The following PTPRD variants were observed in gnomAD, a reference collection of about 807,000 sequenced individuals.
The protein encoded by PTPRD is protein tyrosine phosphatase receptor type D, also known as receptor-type tyrosine-protein phosphatase delta.
Under a neutral mutation model 214.5 loss-of-function variants are expected in PTPRD, and 34 were observed. The observed-to-expected ratio is 0.16, with a 90% CI of 0.12 to 0.21. The LOEUF (loss-of-function observed/expected upper bound fraction) is 0.21. Ranked by LOEUF, PTPRD falls within the 10% of genes least tolerant of loss-of-function variation. The pLI, the probability that PTPRD is intolerant of heterozygous loss-of-function variation, is 1.00. For missense variants in PTPRD, 2,545 were observed against 2,398.7 expected (o/e 1.06, Z -1.27); for synonymous variants, 1,128 against 845.7 (o/e 1.33, Z -5.79).
chr9:10,232,115 C>A (rs985904093), intron 3 of PTPRD, among the ~76,000 whole-genome samples: 7 of 151,156 alleles, frequency 4.6e-5, no homozygotes, highest in Middle Eastern at 3.2e-3. Context: ...GACCTTCTAT[C>A]ATATTTTGCC....
intron 11 of PTPRD, among the ~76,000 whole-genome samples, chr9:8,992,870 T>C (rs1394851966): frequency 6.6e-6 from 1 of 152,130 alleles, no homozygotes; most frequent in African/African-American, 2.4e-5. Context: ...TCATCAAGCT[T>C]GGAGGTAATA....
intron 5 of PTPRD, among the ~76,000 whole-genome samples, chr9:9,851,206 G>A (rs1396288357): frequency 6.6e-6 from 1 of 152,176 alleles, no homozygotes; most frequent in African/African-American, 2.4e-5. Flanking sequence ...ATAAGCAAAA[G>A]TAGAATTAGT....
intron 8 of PTPRD, among the ~76,000 whole-genome samples, chr9:9,472,476 T>C (rs1352739389): frequency 6.6e-6 from 1 of 152,004 alleles, no homozygotes; most frequent in East Asian, 1.9e-4. Context: ...GTGCTGGGAT[T>C]ACAGGCGTGA....
At chr9:10,085,986 G>A (rs1455425793) in intron 3 of PTPRD, among the ~76,000 whole-genome samples, 2 of 151,810 alleles carry the variant, frequency 1.3e-5, no homozygotes, top group African/African-American at 4.8e-5. Context: ...AGTATATTAA[G>A]CAACCAGTGG....
In PTPRD at chr9:9,605,357, CT is replaced by C. The variant is rs938603868; in HGVS notation, c.-286-30577del. Reference sequence around the variant, plus strand: ...ATGTGCAGTCCCTGACCTATAGTGTCTATGTCATTGGAAGCTATGAACTCCT... The same window carrying C: ...ATGTGCAGTCCCTGACCTATAGTGTCATGTCATTGGAAGCTATGAACTCCT... On this transcript the variant is annotated intron_variant, in intron 7 of 45. Transcript: ENST00000381196. Among the ~76,000 whole-genome samples the C allele has an allele frequency of 7.2e-5, 11 of 152,120 alleles. 1 individual carries two copies. The highest frequency in any genetic ancestry group is 1.7e-4 in the African/African-American group (7 of 41,546).
chr9:9,900,819 T>G (rs2076233349), intron 5 of PTPRD, among the ~76,000 whole-genome samples: 1 of 152,002 alleles, frequency 6.6e-6, no homozygotes, highest in African/African-American at 2.4e-5. Context: ...GTATTTTTAG[T>G]AAAGATGAGG....
At chr9:9,957,181 C>T (rs1480518507) in intron 4 of PTPRD, among the ~76,000 whole-genome samples, 1 of 152,076 alleles carries the variant, frequency 6.6e-6, no homozygotes, top group African/African-American at 2.4e-5. Flanking sequence ...TAAACAGACA[C>T]AAAAAGTGAT....
intron 14 of PTPRD, among the ~76,000 whole-genome samples, chr9:8,579,546 T>C (rs1454454181): frequency 2.0e-5 from 3 of 152,112 alleles, no homozygotes; most frequent in Admixed American, 6.6e-5. Flanking sequence ...GCAATAAAAG[T>C]ATAAAAAACC....
intron 10 of PTPRD, among the ~76,000 whole-genome samples, chr9:9,105,055 A>T (rs1368143127): frequency 6.6e-6 from 1 of 152,226 alleles, no homozygotes; most frequent in Non-Finnish European, 1.5e-5. Context: ...CTCAGATAAT[A>T]CATATCCTAT....
chr9:9,502,647 C>A (rs2096456667), intron 8 of PTPRD, among the ~76,000 whole-genome samples: 1 of 151,760 alleles, frequency 6.6e-6, no homozygotes, highest in Non-Finnish European at 1.5e-5. Context: ...TTGTTTATAG[C>A]AGCTTTATTC....
chr9:9,678,672 G>T (rs1191256875), intron 7 of PTPRD, among the ~76,000 whole-genome samples: 1 of 151,478 alleles, frequency 6.6e-6, no homozygotes, highest in Admixed American at 6.6e-5. Context: ...AAAGTAAAAA[G>T]ACCTTATAGA....
intron 2 of PTPRD, among the ~76,000 whole-genome samples, chr9:10,528,304 A>G (rs1387017209): frequency 1.3e-5 from 2 of 152,132 alleles, no homozygotes; most frequent in African/African-American, 4.8e-5. Flanking sequence ...GAGTTATTCA[A>G]ACTCTCTGGA....
intron 14 of PTPRD, among the ~76,000 whole-genome samples, chr9:8,554,878 G>T (rs908085680): frequency 6.6e-6 from 1 of 152,012 alleles, no homozygotes; most frequent in African/African-American, 2.4e-5. Flanking sequence ...CTTTGGTGTT[G>T]GAAGAGTAAG....
At chr9:9,874,474 GTTAAATGTAAGCAGGAC>G (rs1168231409) in intron 5 of PTPRD, among the ~76,000 whole-genome samples, 3 of 152,062 alleles carry the variant, frequency 2.0e-5, no homozygotes, top group East Asian at 1.9e-4. Context: ...GAAACAGGAA[GTTAAATGTAAGCAGGAC>G]TTAAATGTAA....
At chr9:9,127,670 A>G (rs913347580) in intron 10 of PTPRD, among the ~76,000 whole-genome samples, 168 of 152,196 alleles carry the variant, frequency 1.1e-3, no homozygotes, top group African/African-American at 4.0e-3. Flanking sequence ...ATGAGCTTTC[A>G]TATTTGAGCC....
chr9:9,532,141 T>C (rs61103595), intron 8 of PTPRD, among the ~76,000 whole-genome samples: 1 of 152,076 alleles, frequency 6.6e-6, no homozygotes. Flanking sequence ...ATAAACCATA[T>C]GCAGGAGAGC....
At chr9:8,808,743 A>AC (rs778745809) in intron 11 of PTPRD, among the ~76,000 whole-genome samples, 1 of 152,126 alleles carries the variant, frequency 6.6e-6, no homozygotes, top group Non-Finnish European at 1.5e-5. Flanking sequence ...TTATCAAAAG[A>AC]CCACCTGCAC....
intron 11 of PTPRD, among the ~76,000 whole-genome samples, chr9:8,963,452 AT>A: frequency 6.6e-6 from 1 of 152,152 alleles, no homozygotes; most frequent in Non-Finnish European, 1.5e-5. Flanking sequence ...AGAAAAAAAC[AT>A]AAACAAAACA....
chr9:9,320,214 AT>A (rs1965759513), intron 9 of PTPRD, among the ~76,000 whole-genome samples: 1 of 151,952 alleles, frequency 6.6e-6, no homozygotes, highest in South Asian at 2.1e-4. Flanking sequence ...TTTTGTTCTT[AT>A]TTTTCCCATG....
Sources: gnomAD v4.1 joint callset for allele counts (sites outside exome capture counted in the v4.1 genomes callset) on GRCh38, gnomAD v4.1.1 for gene constraint, MANE v1.5 for transcripts, NCBI Gene and HGNC (gene_info 2026-07-23, HGNC 2026-07-21) for gene names.